The following SLTM variants were observed in gnomAD, a reference collection of about 807,000 sequenced individuals.
SLTM encodes the protein SAFB-like transcription modulator.
Under a neutral mutation model 134.6 loss-of-function variants are expected in SLTM, and 43 were observed. The ratio of observed to expected loss-of-function variants is 0.32; its 90% CI spans 0.25 to 0.41. The LOEUF is 0.41. Among genes scored for constraint, SLTM ranks in the 10% least tolerant of loss-of-function variants. SLTM has a pLI of 1.00. For missense variants in SLTM, 1,055 were observed against 1,288.8 expected (o/e 0.82, Z 2.78); for synonymous variants, 424 against 432.3 (o/e 0.98, Z 0.24).
intron 6 of SLTM, 38 bp downstream of exon 6, chr15:58,901,222 A>G (rs761411300): frequency 1.9e-6 from 3 of 1,542,280 alleles, no homozygotes; most frequent in Non-Finnish European, 2.6e-6. Context: ...CTGTTTTTCT[A>G]AATTTTAGCA....
rs780418153 is a variant in SLTM, at chr15:58,888,520, A to G, written c.2240T>C (p.Leu747Ser). The change falls in exon 17 of 21, where the codon TTG (leucine) becomes TCG (serine). Residue 747 changes from leucine (L) to serine (S), a missense_variant. By Grantham distance (145) the Leu-to-Ser change is moderately radical (BLOSUM62 -2). Coordinates refer to ENST00000380516, the MANE Select transcript of SLTM (RefSeq NM_024755.4). ...AAATCGTGCATCTGTATCTAGAGACAACTTTTTATTCTCGCTCCAGTAAGG... is the reference window on the plus strand; with the variant it reads ...AAATCGTGCATCTGTATCTAGAGACGACTTTTTATTCTCGCTCCAGTAAGG... The part of the protein sequence containing the change: ...DDPYWSENKK[L>S]SLDTDARFGH... 6.2e-7 allele frequency: 1 copy of G among 1,614,114 alleles called. No homozygotes were observed. The highest frequency in any genetic ancestry group is 1.1e-5 in the South Asian group (1 of 91,070).
chr15:58,890,805 A>G (rs1381950765), intron 14 of SLTM, among the ~76,000 whole-genome samples: 1 of 152,220 alleles, frequency 6.6e-6, no homozygotes, highest in Non-Finnish European at 1.5e-5. Flanking sequence ...CAAAACTACA[A>G]CTTCCAACAC....
At chr15:58,926,691 T>C (rs1270186442) in intron 2 of SLTM, among the ~76,000 whole-genome samples, 2 of 151,438 alleles carry the variant, frequency 1.3e-5, no homozygotes, top group Non-Finnish European at 2.9e-5. Flanking sequence ...TTCGGCTCAC[T>C]GCAACCTCCT....
intron 9 of SLTM, 108 bp from the exon 10 acceptor site, chr15:58,894,690 C>T: frequency 3.4e-6 from 3 of 880,074 alleles, no homozygotes; most frequent in Non-Finnish European, 5.2e-6. Context: ...CAGGGTGTAT[C>T]TTATTCTGTC....
intron 2 of SLTM, among the ~76,000 whole-genome samples, chr15:58,922,507 ATATACGTATAAAATT>A (rs1239595409): frequency 2.0e-4 from 29 of 145,200 alleles, no homozygotes; most frequent in Non-Finnish European, 3.7e-4. Context: ...ATTATATATT[ATATACGTATAAAATT>A]TATACGTATA....
Position 58,897,211 on chromosome 15 carries a change from A to G in SLTM, c.1131T>C (p.Gly377=), listed in dbSNP as rs955160112. Residue 377 remains glycine (G), a synonymous_variant, in exon 9 of 21, where the codon GGT becomes GGC. Transcript: ENST00000380516. ...TATTTTTAGTTGAGCTTCCACTGCTACCACTAGTACTACTTGTACTTCCTA... is the reference window on the plus strand; with the variant it reads ...TATTTTTAGTTGAGCTTCCACTGCTGCCACTAGTACTACTTGTACTTCCTA... ...DDKGSTSSTS[G]SSGSSTKNIW... 3.1e-6 allele frequency: 5 copies of G among 1,603,386 alleles called. No homozygotes were observed. Among genetic ancestry groups the G allele is most frequent in the Middle Eastern group, 3.3e-4 (2 of 6,034 alleles).
intron 15 of SLTM, 62 bp downstream of exon 15, chr15:58,890,219 G>A (rs1473815559): frequency 5.7e-6 from 9 of 1,579,684 alleles, no homozygotes; most frequent in Admixed American, 5.3e-5. Context: ...AAGTTTTAGG[G>A]CTAAAATCAC....
At chr15:58,917,893 G>A (rs1484678357) in intron 2 of SLTM, among the ~76,000 whole-genome samples, 4 of 152,006 alleles carry the variant, frequency 2.6e-5, no homozygotes, top group African/African-American at 9.7e-5. Context: ...GGAATTACAG[G>A]CACGAGGCAC....
intron 5 of SLTM, among the ~76,000 whole-genome samples, chr15:58,912,211 T>C (rs1270542694): frequency 6.6e-6 from 1 of 151,710 alleles, no homozygotes; most frequent in African/African-American, 2.4e-5. Context: ...GCCATTCTCC[T>C]GCCTCAGCCT....
At chr15:58,927,551 G>A (rs201504636) in intron 2 of SLTM, among the ~76,000 whole-genome samples, 2 of 152,204 alleles carry the variant, frequency 1.3e-5, no homozygotes, top group Non-Finnish European at 1.5e-5. Context: ...GATTACAGGC[G>A]TGAGCCATGC....
At chr15:58,890,164 T>A in intron 15 of SLTM, 117 bp downstream of exon 15, 1 of 1,163,578 alleles carries the variant, frequency 8.6e-7, no homozygotes, top group Non-Finnish European at 1.2e-6. Flanking sequence ...ACTTAAAAGC[T>A]CCTTAGCTAA....
chr15:58,908,017 G>C (rs1595891111), intron 5 of SLTM, among the ~76,000 whole-genome samples: 1 of 150,680 alleles, frequency 6.6e-6, no homozygotes, highest in East Asian at 2.0e-4. Flanking sequence ...GTGTGTGTGT[G>C]TGTGTGTGTG....
intron 20 of SLTM, 99 bp downstream of exon 20, chr15:58,883,527 T>G: frequency 6.7e-7 from 1 of 1,487,864 alleles, no homozygotes; most frequent in Non-Finnish European, 9.2e-7. Context: ...TCTAGGGTTT[T>G]CAGTAGTTGC....
At chr15:58,922,602 C>A (rs151216767) in intron 2 of SLTM, among the ~76,000 whole-genome samples, 1 of 142,282 alleles carries the variant, frequency 7.0e-6, no homozygotes, top group African/African-American at 2.6e-5. Flanking sequence ...ATATTATATA[C>A]GTATAAAATA....
intron 2 of SLTM, among the ~76,000 whole-genome samples, chr15:58,919,958 A>G (rs1283364283): frequency 1.3e-5 from 2 of 152,168 alleles, no homozygotes; most frequent in African/African-American, 4.8e-5. Context: ...TCCTGCCACT[A>G]TATCTTATTA....
chr15:58,887,712 A>G (rs1376264056), intron 17 of SLTM, 172 bp from the exon 18 acceptor site: 18 of 839,124 alleles, frequency 2.1e-5, no homozygotes, highest in Non-Finnish European at 2.3e-5. Context: ...TTTAAACTGA[A>G]CTAAGTGTCT....
intron 5 of SLTM, among the ~76,000 whole-genome samples, chr15:58,906,733 T>C (rs1269503184): frequency 6.6e-6 from 1 of 152,228 alleles, no homozygotes; most frequent in Non-Finnish European, 1.5e-5. Context: ...AAATACAAAA[T>C]GCTTGGCACA....
intron 6 of SLTM, 157 bp downstream of exon 6, chr15:58,901,103 T>C (rs1197267685): frequency 1.1e-5 from 7 of 655,764 alleles, no homozygotes; most frequent in Admixed American, 3.2e-5. Flanking sequence ...TTAAAACCAA[T>C]TGGAAAATAA....
Position 58,899,373 on chromosome 15 carries a change from T to G in SLTM, c.1058+96A>C, listed in dbSNP as rs748142455. On this transcript the variant is annotated intron_variant, in intron 7 of 20. Coordinates refer to ENST00000380516, the MANE Select transcript of SLTM (RefSeq NM_024755.4). The surrounding 1 kb of genome is among the most constrained non-coding windows in gnomAD (Gnocchi z 5.0). ...ATAGGCAGGATCATAAGACACTAAT[T>G]ACTGTACATGTTCTTGAAGCCACCC... The G allele has an allele frequency of 2.1e-6, 2 of 937,986 alleles. No individual in the cohort carries two copies. The highest frequency in any genetic ancestry group is 3.3e-6 in the Non-Finnish European group (2 of 605,176). 58.1% of individuals were successfully genotyped at this position (937,986 alleles called of 1,614,324 possible). A position where few individuals can be genotyped will look rare whatever the true frequency, so the allele number is the denominator to read the frequency against.
Sources: gnomAD v4.1 joint callset for allele counts (sites outside exome capture counted in the v4.1 genomes callset) on GRCh38, gnomAD v4.1.1 for gene constraint, Gnocchi (gnomAD v3.1) non-coding constraint, MANE v1.5 for transcripts, NCBI Gene and HGNC (gene_info 2026-07-23, HGNC 2026-07-21) for gene names.